Variants in NEO1 observed in about 807,000 individuals in gnomAD.
NEO1 encodes the protein neogenin.
NEO1 carries 63 observed loss-of-function variants against 159.7 expected under a neutral mutation model. The observed-to-expected ratio is 0.39, with a 90% CI of 0.32 to 0.49. NEO1 has a LOEUF of 0.49. NEO1 is among the 20% of genes least tolerant of loss of function. The pLI is 0.85. For synonymous variants in NEO1, 633 were observed against 662.0 expected (o/e 0.96, Z 0.67); for missense variants, 1,615 against 1,831.0 (o/e 0.88, Z 2.15).
chr15:73,105,701 G>A (rs1458555354), intron 1 of NEO1, among the ~76,000 whole-genome samples: 3 of 152,028 alleles, frequency 2.0e-5, no homozygotes, highest in African/African-American at 4.8e-5. Flanking sequence ...AGAGTCCAGG[G>A]TAGTTGTCTT....
At chr15:73,143,536 G>T (rs1265448294) in intron 5 of NEO1, 4 of 152,768 alleles carry the variant, frequency 2.6e-5, no homozygotes, top group Admixed American at 1.3e-4. Flanking sequence ...GCGGATGCCG[G>T]TGGGCAGGCA....
chr15:73,122,373 C>T, intron 2 of NEO1, 152 bp from the exon 3 acceptor site: 3 of 650,510 alleles, frequency 4.6e-6, no homozygotes, highest in Non-Finnish European at 7.6e-6. Context: ...GCCCAGTATC[C>T]CTGTATTTAG....
chr15:73,127,990 C>T (rs558516908), intron 4 of NEO1, among the ~76,000 whole-genome samples: 7 of 152,198 alleles, frequency 4.6e-5, no homozygotes, highest in Non-Finnish European at 7.4e-5. Flanking sequence ...GTATCCAAGA[C>T]GTAGAAACAG....
At chr15:73,287,084 A>T (rs1474692493) in intron 23 of NEO1, among the ~76,000 whole-genome samples, 1 of 152,202 alleles carries the variant, frequency 6.6e-6, no homozygotes, top group African/African-American at 2.4e-5. Flanking sequence ...AAAGCTCTTT[A>T]TGATCTGGTC....
intron 1 of NEO1, among the ~76,000 whole-genome samples, chr15:73,110,917 C>G (rs1052681310): frequency 6.6e-6 from 1 of 151,962 alleles, no homozygotes; most frequent in African/African-American, 2.4e-5. Flanking sequence ...GATGATAGAT[C>G]TTTTAGAAAA....
Position 73,200,562 on chromosome 15 carries a change from G to A in NEO1, c.1291+22135G>A, listed in dbSNP as rs960578529. 1.6e-4 allele frequency among the ~76,000 whole-genome samples: 24 copies of A among 151,592 alleles called. No homozygotes were observed. In the South Asian group the frequency reaches 3.1e-3, roughly 20 times the overall value. On this transcript the variant is annotated intron_variant, in intron 7 of 28. Coordinates refer to ENST00000261908, the MANE Select transcript of NEO1 (RefSeq NM_002499.4). ...GAGAGGACTGAAAGGGAAGGGAAATGGGAAAGGGAGTCTCTAGAGAGAGAG... is the reference window on the plus strand; with the variant it reads ...GAGAGGACTGAAAGGGAAGGGAAATAGGAAAGGGAGTCTCTAGAGAGAGAG...
At chr15:73,222,457 G>T (rs2038349584) in intron 7 of NEO1, among the ~76,000 whole-genome samples, 1 of 151,912 alleles carries the variant, frequency 6.6e-6, no homozygotes, top group Middle Eastern at 3.2e-3. Flanking sequence ...TCTATTTAGA[G>T]TATCTAATTC....
chr15:73,234,947 A>C (rs926426581), intron 7 of NEO1, among the ~76,000 whole-genome samples: 14 of 152,188 alleles, frequency 9.2e-5, no homozygotes, highest in Non-Finnish European at 1.8e-4. Flanking sequence ...AGTTAGAGAT[A>C]ATGATTGTAC....
At chr15:73,128,041 A>T (rs1056332184) in intron 4 of NEO1, among the ~76,000 whole-genome samples, 33 of 152,322 alleles carry the variant, frequency 2.2e-4, no homozygotes, top group African/African-American at 5.8e-4. Context: ...TTCAGTGATC[A>T]CTGGGGAAGA....
At chr15:73,259,634 A>T (rs150352011) in intron 14 of NEO1, among the ~76,000 whole-genome samples, 4 of 152,120 alleles carry the variant, frequency 2.6e-5, no homozygotes, top group Admixed American at 1.3e-4. Flanking sequence ...GACAACAGAC[A>T]TGAGCCACCA....
intron 7 of NEO1, among the ~76,000 whole-genome samples, chr15:73,224,170 CT>C (rs1391705931): frequency 6.6e-6 from 1 of 152,206 alleles, no homozygotes; most frequent in Non-Finnish European, 1.5e-5. Context: ...GAGAAATCTT[CT>C]GTTAATCTGA....
At chr15:73,091,916 G>A (rs2069718493) in intron 1 of NEO1, among the ~76,000 whole-genome samples, 1 of 151,836 alleles carries the variant, frequency 6.6e-6, no homozygotes, top group South Asian at 2.1e-4. Flanking sequence ...ATAAGCCACC[G>A]TGCCTGGCCT....
intron 1 of NEO1, among the ~76,000 whole-genome samples, chr15:73,095,436 T>G (rs1442417542): frequency 1.3e-5 from 2 of 152,232 alleles, no homozygotes; most frequent in African/African-American, 2.4e-5. Context: ...TACCGTTTAC[T>G]TTTTATTGCC....
At chr15:73,075,642 C>G (rs2068734842) in intron 1 of NEO1, among the ~76,000 whole-genome samples, 1 of 111,978 alleles carries the variant, frequency 8.9e-6, no homozygotes, top group African/African-American at 3.1e-5. Flanking sequence ...AGTGTAAACA[C>G]TGGCCATGTG....
intron 5 of NEO1, among the ~76,000 whole-genome samples, chr15:73,143,996 G>A (rs1164182888): frequency 3.3e-5 from 5 of 152,162 alleles, no homozygotes; most frequent in Admixed American, 1.3e-4. Context: ...GGTTATTAAC[G>A]AATGGAATGA....
At chr15:73,208,660 G>A (rs2037374120) in intron 7 of NEO1, among the ~76,000 whole-genome samples, 1 of 151,950 alleles carries the variant, frequency 6.6e-6, no homozygotes. Context: ...CCAGGAGTTC[G>A]AGACCAACCT....
At chr15:73,216,285 G>T (rs1451295112) in intron 7 of NEO1, among the ~76,000 whole-genome samples, 1 of 152,142 alleles carries the variant, frequency 6.6e-6, no homozygotes, top group African/African-American at 2.4e-5. Context: ...TGGCTGCATA[G>T]TATTCCATGG....
At chr15:73,185,753 TAAAC>T (rs549383717) in intron 7 of NEO1, among the ~76,000 whole-genome samples, 230 of 152,240 alleles carry the variant, frequency 1.5e-3, no homozygotes, top group African/African-American at 5.2e-3. Context: ...TCTGAATGGA[TAAAC>T]AAAGTGTGAT....
chr15:73,179,343 A>G (rs1198853497), intron 7 of NEO1, among the ~76,000 whole-genome samples: 1 of 152,126 alleles, frequency 6.6e-6, no homozygotes, highest in East Asian at 1.9e-4. Context: ...ACCCTGTTGG[A>G]GAGGGTGTAA....
Sources: gnomAD v4.1 joint callset for allele counts (sites outside exome capture counted in the v4.1 genomes callset) on GRCh38, gnomAD v4.1.1 for gene constraint, MANE v1.5 for transcripts, NCBI Gene and HGNC (gene_info 2026-07-23, HGNC 2026-07-21) for gene names.